The following MICAL3 variants were observed in gnomAD, a reference collection of about 807,000 sequenced individuals.
The protein encoded by MICAL3 is [F-actin]-monooxygenase MICAL3.
In MICAL3, 62 loss-of-function variants were observed where a neutral mutation model predicts 207.4. The observed-to-expected ratio is 0.30, with a 90% confidence interval of 0.24 to 0.37. The LOEUF is 0.37. Ranked by LOEUF, MICAL3 falls within the 10% of genes least tolerant of loss-of-function variation. The pLI is 1.00. For missense variants in MICAL3, 2,368 were observed against 2,635.6 expected, an observed-to-expected ratio of 0.90 and a Z score of 2.22; for synonymous variants, 1,077 against 1,069.3, an observed-to-expected ratio of 1.01 and a Z score of -0.14.
intron 25 of MICAL3, 63 bp downstream of exon 25, chr22:17,821,364 T>C (rs1921624314): frequency 8.5e-6 from 12 of 1,415,644 alleles, no homozygotes; most frequent in Non-Finnish European, 1.1e-5. Context: ...AACAGAGAAG[T>C]TAATATGTGT....
chr22:17,852,399 G>A (rs1925428118), intron 19 of MICAL3, among the ~76,000 whole-genome samples: 1 of 152,090 alleles, frequency 6.6e-6, no homozygotes, highest in South Asian at 2.1e-4. Flanking sequence ...GTTTTCACCT[G>A]TCAGAGGGCC....
chr22:17,815,135 C>T lies in MICAL3; in HGVS notation c.5445+1555G>A, dbSNP rs1439172304. On this transcript the variant is annotated intron_variant, in intron 27 of 31. Coordinates refer to ENST00000441493, the MANE Select transcript of MICAL3 (RefSeq NM_015241.3). ...CTGTGGGTGCCCCTAGAGCGTGAGG[C>T]CTTAGAGGCCGCCCTCTGGCTCTAG... 5 of 152,460 alleles carry T rather than the reference C, an allele frequency of 3.3e-5. No individual in the cohort carries two copies. In the East Asian group the frequency reaches 7.7e-4, roughly 23 times the overall value. 9.4% of individuals were successfully genotyped at this position (152,460 alleles called of 1,614,324 possible). A position where few individuals can be genotyped will look rare whatever the true frequency, so the allele number is the denominator to read the frequency against.
At chr22:17,966,038 A>C (rs1935126458) in intron 1 of MICAL3, among the ~76,000 whole-genome samples, 1 of 152,240 alleles carries the variant, frequency 6.6e-6, no homozygotes. Context: ...GAGTCAACAC[A>C]CATGAACTAG....
chr22:17,865,725 A>T (rs1476855529), intron 18 of MICAL3, among the ~76,000 whole-genome samples, 199 bp downstream of exon 18: 4 of 152,180 alleles, frequency 2.6e-5, no homozygotes, highest in African/African-American at 4.8e-5. Flanking sequence ...TGGAGCCTTT[A>T]CCTTAGCGAG....
At chr22:17,904,330 G>C (rs759091187) in intron 3 of MICAL3, among the ~76,000 whole-genome samples, 3 of 152,192 alleles carry the variant, frequency 2.0e-5, no homozygotes, top group Non-Finnish European at 2.9e-5. Context: ...GCCTGCCCCA[G>C]TGCCCATCCC....
intron 1 of MICAL3, among the ~76,000 whole-genome samples, chr22:17,928,716 A>G (rs1346189678): frequency 6.6e-6 from 1 of 152,246 alleles, no homozygotes; most frequent in Non-Finnish European, 1.5e-5. Context: ...GGCTTTATAT[A>G]TTGTGTTACA....
At chr22:17,916,701 G>A (rs1197022754) in intron 1 of MICAL3, among the ~76,000 whole-genome samples, 1 of 152,058 alleles carries the variant, frequency 6.6e-6, no homozygotes, top group East Asian at 1.9e-4. Context: ...CCAGGACAAG[G>A]GGACACTACT....
chr22:17,938,668 A>C (rs1933663063), intron 1 of MICAL3, among the ~76,000 whole-genome samples: 1 of 152,214 alleles, frequency 6.6e-6, no homozygotes, highest in South Asian at 2.1e-4. Flanking sequence ...TTTGATACCC[A>C]GAGTCTTAAA....
chr22:17,941,008 G>C (rs145595433), intron 1 of MICAL3, among the ~76,000 whole-genome samples: 2 of 152,238 alleles, frequency 1.3e-5, no homozygotes, highest in African/African-American at 4.8e-5. Flanking sequence ...TAGGCCACGG[G>C]ATGAACCCAC....
At chr22:17,966,830 GAA>G (rs796818778) in intron 1 of MICAL3, among the ~76,000 whole-genome samples, 13 of 152,294 alleles carry the variant, frequency 8.5e-5, no homozygotes, top group African/African-American at 3.1e-4. Flanking sequence ...TGTGCAGCTG[GAA>G]CTCAGGAAGC....
chr22:17,998,500 A>G (rs1216241394), intron 1 of MICAL3, among the ~76,000 whole-genome samples: 5 of 151,748 alleles, frequency 3.3e-5, no homozygotes, highest in Non-Finnish European at 7.4e-5. Context: ...TCACTTCCTC[A>G]AGTAAAAAGC....
intron 1 of MICAL3, among the ~76,000 whole-genome samples, chr22:17,959,024 T>TTG (rs1159491681): frequency 7.0e-6 from 1 of 142,072 alleles, no homozygotes; most frequent in Non-Finnish European, 1.5e-5. Flanking sequence ...TTTTTTTTTT[T>TTG]TTTTTTTTTG....
intron 1 of MICAL3, among the ~76,000 whole-genome samples, chr22:18,009,935 A>G (rs1328520042): frequency 1.1e-5 from 1 of 87,680 alleles, no homozygotes; most frequent in South Asian, 2.7e-4. Context: ...ATTCAGCCCA[A>G]TTGGGTTCTA....
intron 19 of MICAL3, among the ~76,000 whole-genome samples, chr22:17,842,782 C>T (rs952855470): frequency 5.9e-5 from 9 of 152,214 alleles, no homozygotes; most frequent in African/African-American, 2.2e-4. Context: ...CGATCTTGGC[C>T]GGAGTCCTTT....
In MICAL3 at chr22:17,790,492, T is replaced by C; in HGVS notation, c.*240A>G. On this transcript the variant is annotated 3_prime_UTR_variant, in exon 32 of 32. Coordinates refer to ENST00000441493, the MANE Select transcript of MICAL3 (RefSeq NM_015241.3). ...CGTCATGCCATACACGCCGTGCTGC[T>C]CCTCTGAGTGGGAGGTCCAGGTGGG... 1 of 565,270 alleles carries C rather than the reference T, an allele frequency of 1.8e-6. No individual in the cohort carries two copies. The highest frequency in any genetic ancestry group is 2.3e-5 in the South Asian group (1 of 43,762). 35.0% of individuals were successfully genotyped at this position (565,270 alleles called of 1,614,324 possible).
chr22:17,924,059 G>C (rs775771748), intron 1 of MICAL3, among the ~76,000 whole-genome samples: 6 of 152,160 alleles, frequency 3.9e-5, no homozygotes, highest in Admixed American at 2.6e-4. Context: ...CAGATCTCAA[G>C]AGAACTCACT....
Position 17,818,785 on chromosome 22 carries a change from TG to T in MICAL3, c.3875del (p.Pro1292HisfsTer38). The T allele has an allele frequency of 6.4e-7, 1 of 1,570,140 alleles. No individual in the cohort carries two copies. Among genetic ancestry groups the T allele is most frequent in the Non-Finnish European group, 8.7e-7 (1 of 1,155,858 alleles). ...GGCTTTGGACAGGGAGAGGGGCCAG[TG>T]GGGTGGATGTTTTGGCCGGGGCAGG... Reference protein sequence around the residue: ...FQPAPAKTSTPLAPLPVQSQS... With the variant: ...FQPAPAKTSTXLAPLPVQSQS... On this transcript the variant is annotated frameshift_variant, in exon 26 of 32. Coordinates refer to ENST00000441493, the MANE Select transcript of MICAL3 (RefSeq NM_015241.3). LOFTEE classifies it high-confidence loss of function.
intron 1 of MICAL3, among the ~76,000 whole-genome samples, chr22:17,933,141 T>C (rs1462033821): frequency 6.6e-6 from 1 of 152,042 alleles, no homozygotes; most frequent in Non-Finnish European, 1.5e-5. Context: ...TCTACAGAAC[T>C]CTCCACCCCA....
intron 20 of MICAL3, chr22:17,834,503 C>T (rs1178206712): frequency 8.0e-7 from 1 of 1,249,126 alleles, no homozygotes; most frequent in East Asian, 6.0e-5. Context: ...ATCATTTGAG[C>T]CCAGGAGTTT....
Sources: gnomAD v4.1 joint callset for allele counts (sites outside exome capture counted in the v4.1 genomes callset) on GRCh38, gnomAD v4.1.1 for gene constraint, MANE v1.5 for transcripts, NCBI Gene and HGNC (gene_info 2026-07-23, HGNC 2026-07-21) for gene names.